GSTO2: variants seen among roughly 807,000 people sequenced by gnomAD.
The protein encoded by GSTO2 is glutathione S-transferase omega-2.
In GSTO2, 23 loss-of-function variants were observed where a neutral mutation model predicts 28.4. The ratio of observed to expected loss-of-function variants is 0.81; its 90% CI spans 0.58 to 1.15. The LOEUF (loss-of-function observed/expected upper bound fraction) is 1.15. GSTO2 is among the 50% of genes most tolerant of loss of function. The probability of loss-of-function intolerance (pLI) is 0.00; values close to 1 mark genes in which losing one functional copy is unlikely to be tolerated. For missense variants in GSTO2, 298 were observed against 297.8 expected (o/e 1.00, Z 0.00); for synonymous variants, 109 against 111.0 (o/e 0.98, Z 0.11).
intron 5 of GSTO2, among the ~76,000 whole-genome samples, chr10:104,279,748 C>T (rs1309715171): frequency 6.6e-6 from 1 of 152,180 alleles, no homozygotes; most frequent in Non-Finnish European, 1.5e-5. Flanking sequence ...TCTGTAGCTT[C>T]TGCCAATGAG....
intron 5 of GSTO2, among the ~76,000 whole-genome samples, chr10:104,279,944 C>G (rs1434311480): frequency 6.6e-6 from 1 of 152,112 alleles, no homozygotes; most frequent in Non-Finnish European, 1.5e-5. Context: ...AGGAGGATCA[C>G]TTGAGCCTAG....
chr10:104,289,041 T>G (rs1663918096), intron 5 of GSTO2, among the ~76,000 whole-genome samples: 1 of 152,188 alleles, frequency 6.6e-6, no homozygotes, highest in African/African-American at 2.4e-5. Context: ...TGGTCAAGCA[T>G]TACCCTCCTA....
chr10:104,279,322 GGAAGTTTCCACA>G (rs1222594066), intron 4 of GSTO2, 36 bp from the exon 5 acceptor site: 1 of 1,499,580 alleles, frequency 6.7e-7, no homozygotes, highest in Admixed American at 1.7e-5. Context: ...AACAGGAACT[GGAAGTTTCCACA>G]GACTTCTCCA....
chr10:104,279,341 T>G, intron 4 of GSTO2, 29 bp from the exon 5 acceptor site: 1 of 1,571,348 alleles, frequency 6.4e-7, no homozygotes, highest in Non-Finnish European at 8.8e-7. Context: ...CACAGACTTC[T>G]CCACTGAGAA....
At position 104,297,698 on chromosome 10, in the gene GSTO2, C is replaced by T. The variant is rs1254615877; in HGVS notation, c.575+14C>T. 8 of 1,567,136 alleles carry T rather than the reference C, an allele frequency of 5.1e-6. No homozygotes were observed. In the South Asian group the frequency reaches 6.7e-5, roughly 13 times the overall value. On this transcript the variant is annotated intron_variant, in intron 6 of 6. Transcript: ENST00000338595. ...TGGGATACTGGAGTAAGACATTTGACATTGTGGTGTTAAATTCCCGGAGTC... is the reference window on the plus strand; with the variant it reads ...TGGGATACTGGAGTAAGACATTTGATATTGTGGTGTTAAATTCCCGGAGTC...
chr10:104,274,794 A>G lies in GSTO2; in HGVS notation c.-122A>G. The G allele has an allele frequency of 7.9e-7, 1 of 1,266,510 alleles. No individual in the cohort carries two copies. Among genetic ancestry groups the G allele is most frequent in the Non-Finnish European group, 1.1e-6 (1 of 893,934 alleles). The allele number at this position is 1,266,510 out of a possible 1,614,324, so 78.5% of individuals were successfully genotyped here. A position where few individuals can be genotyped will look rare whatever the true frequency, so the allele number is the denominator to read the frequency against. On this transcript the variant is annotated 5_prime_UTR_variant, in exon 2 of 7. Transcript: ENST00000338595. ...CCCCGCCAGAGCCCAGTAGTTCAAA[A>G]ATTAAATTTGGGGCAAGGGGTGCGC... is the stretch of plus-strand genomic sequence containing the variant.
chr10:104,297,744 A>G, intron 6 of GSTO2, 60 bp downstream of exon 6: 2 of 1,193,362 alleles, frequency 1.7e-6, no homozygotes, highest in Middle Eastern at 1.9e-4. Context: ...ACAATGGTTA[A>G]GATGGTCTGC....
At chr10:104,282,914 A>G (rs1363688364) in intron 5 of GSTO2, among the ~76,000 whole-genome samples, 1 of 152,250 alleles carries the variant, frequency 6.6e-6, no homozygotes, top group Non-Finnish European at 1.5e-5. Context: ...TTTATGGGCT[A>G]GGAGCTTTCA....
At chr10:104,271,169 A>C (rs2011384307) in intron 1 of GSTO2, among the ~76,000 whole-genome samples, 1 of 152,240 alleles carries the variant, frequency 6.6e-6, no homozygotes, top group African/African-American at 2.4e-5. Context: ...TTCTAGGGAA[A>C]GTATAGTGTT....
At chr10:104,282,567 AAG>A (rs2012138270) in intron 5 of GSTO2, among the ~76,000 whole-genome samples, 1 of 150,128 alleles carries the variant, frequency 6.7e-6, no homozygotes, top group African/African-American at 2.5e-5. Flanking sequence ...AAAAAAAAAA[AAG>A]AAGAAGAAGA....
chr10:104,280,394 A>G (rs919274583), intron 5 of GSTO2, among the ~76,000 whole-genome samples: 1 of 152,198 alleles, frequency 6.6e-6, no homozygotes, highest in Non-Finnish European at 1.5e-5. Context: ...AAAGAAAAAA[A>G]TGGCAAATGG....
intron 3 of GSTO2, among the ~76,000 whole-genome samples, chr10:104,276,721 C>A (rs555131436): frequency 3.3e-5 from 5 of 152,176 alleles, no homozygotes; most frequent in Non-Finnish European, 7.3e-5. Context: ...ATCCTCCCAC[C>A]CTGGCCTCTC....
intron 5 of GSTO2, among the ~76,000 whole-genome samples, chr10:104,286,161 TTAAG>T (rs1343882210): frequency 2.0e-5 from 3 of 152,154 alleles, no homozygotes; most frequent in Non-Finnish European, 2.9e-5. Flanking sequence ...TTTTAGTATA[TTAAG>T]TGAGTTGTGC....
intron 5 of GSTO2, among the ~76,000 whole-genome samples, chr10:104,287,828 T>C (rs2012528728): frequency 6.6e-6 from 1 of 152,004 alleles, no homozygotes; most frequent in Admixed American, 6.6e-5. Flanking sequence ...GATTTTTTTT[T>C]TAATGATGGG....
chr10:104,303,732 G>A lies in GSTO2; in HGVS notation c.*4448G>A, dbSNP rs1343917295. The A allele has an allele frequency of 6.6e-6, 1 of 152,202 alleles. No homozygotes were observed. The highest frequency in any genetic ancestry group is 6.5e-5 in the Admixed American group (1 of 15,286). 9.4% of individuals were successfully genotyped at this position (152,202 alleles called of 1,614,324 possible). ...AGAAAATGGGGAAAAGGCCTTGAAG[G>A]CATTTCAGAGACCTTTGTGGCAGCC... On this transcript the variant is annotated 3_prime_UTR_variant, in exon 7 of 7. Transcript: ENST00000338595.
At chr10:104,293,249 G>A (rs918478705) in intron 5 of GSTO2, among the ~76,000 whole-genome samples, 2 of 152,148 alleles carry the variant, frequency 1.3e-5, no homozygotes, top group Admixed American at 6.5e-5. Flanking sequence ...AGAAGGAGGA[G>A]CTTTCAGAGT....
intron 1 of GSTO2, among the ~76,000 whole-genome samples, chr10:104,270,754 T>A (rs918087968): frequency 6.7e-6 from 1 of 148,962 alleles, no homozygotes; most frequent in Non-Finnish European, 1.5e-5. Context: ...AAGAGGAATG[T>A]ACTCCAGTCC....
intron 1 of GSTO2, among the ~76,000 whole-genome samples, chr10:104,270,143 A>T (rs1339536138): frequency 6.6e-6 from 1 of 151,212 alleles, no homozygotes; most frequent in Non-Finnish European, 1.5e-5. Flanking sequence ...CCTCCCAAGT[A>T]GCTGGGACTA....
intron 3 of GSTO2, among the ~76,000 whole-genome samples, chr10:104,276,715 T>A (rs1365854032): frequency 2.6e-5 from 4 of 152,144 alleles, no homozygotes; most frequent in African/African-American, 9.7e-5. Context: ...CAAGCAATCC[T>A]CCCACCCTGG....
Sources: gnomAD v4.1 joint callset for allele counts (sites outside exome capture counted in the v4.1 genomes callset) on GRCh38, gnomAD v4.1.1 for gene constraint, MANE v1.5 for transcripts, NCBI Gene and HGNC (gene_info 2026-07-23, HGNC 2026-07-21) for gene names.